Variants in TXNRD1 observed in about 807,000 individuals in gnomAD.
The protein encoded by TXNRD1 is thioredoxin reductase 1, cytoplasmic.
TXNRD1 carries 57 observed loss-of-function variants against 80.3 expected under a neutral mutation model. That is an observed-to-expected ratio of 0.71 (90% CI 0.57 to 0.89). The LOEUF (loss-of-function observed/expected upper bound fraction) is 0.89, where lower values mean the gene tolerates loss of function less well. Among genes scored for constraint, TXNRD1 ranks in the 40% least tolerant of loss-of-function variants. The probability of loss-of-function intolerance (pLI) is 0.00; values close to 1 mark genes in which losing one functional copy is unlikely to be tolerated. For missense variants in TXNRD1, 730 were observed against 803.0 expected (o/e 0.91, Z 1.10); for synonymous variants, 291 against 285.2 (o/e 1.02, Z -0.20).
intron 3 of TXNRD1, among the ~76,000 whole-genome samples, chr12:104,260,141 C>T (rs1017350246): frequency 5.9e-5 from 9 of 152,020 alleles, no homozygotes; most frequent in Non-Finnish European, 8.8e-5. Context: ...CAAGACCAGC[C>T]TGACCAGTAT....
chr12:104,239,282 C>T (rs538940247), intron 1 of TXNRD1, among the ~76,000 whole-genome samples: 2 of 151,722 alleles, frequency 1.3e-5, no homozygotes, highest in East Asian at 3.9e-4. Context: ...CAACCTCTGC[C>T]TCCTGGGTTC....
chr12:104,334,126 A>C, intron 14 of TXNRD1, 111 bp from the exon 15 acceptor site: 1 of 442,138 alleles, frequency 2.3e-6, no homozygotes, highest in Non-Finnish European at 3.9e-6. Flanking sequence ...GAATTTTATT[A>C]TTTAATGAAA....
intron 3 of TXNRD1, chr12:104,276,498 C>T (rs1440609149): frequency 6.6e-6 from 1 of 152,148 alleles, no homozygotes; most frequent in African/African-American, 2.4e-5. Flanking sequence ...GTATTCAACT[C>T]CAGAAATTAG....
intron 3 of TXNRD1, among the ~76,000 whole-genome samples, chr12:104,278,764 G>A (rs568573343): frequency 4.1e-4 from 62 of 152,318 alleles, no homozygotes; most frequent in Admixed American, 7.8e-4. Context: ...GCCTCCCAAA[G>A]TGTTGGGATT....
intron 1 of TXNRD1, among the ~76,000 whole-genome samples, chr12:104,220,019 G>A (rs2032314034): frequency 6.6e-6 from 1 of 152,186 alleles, no homozygotes. Context: ...GGTGTCTCAA[G>A]TGATTCTATT....
chr12:104,315,808 C>T lies in TXNRD1; in HGVS notation c.642C>T (p.Cys214=). The change falls in exon 7 of 17, where the codon TGC becomes TGT. Residue 214 remains cysteine (C), a synonymous_variant. Transcript: ENST00000525566. ...GAGGAACATGTGTGAATGTGGGTTG[C>T]ATACCTAAAAAACTGATGCATCAAG... The part of the protein sequence containing the change: ...GLGGTCVNVG[C]IPKKLMHQAA... 1 of 1,611,866 alleles carries T rather than the reference C, an allele frequency of 6.2e-7. No homozygotes were observed.
At chr12:104,336,480 T>C (rs1253995144) in intron 15 of TXNRD1, among the ~76,000 whole-genome samples, 1 of 152,246 alleles carries the variant, frequency 6.6e-6, no homozygotes, top group East Asian at 1.9e-4. Context: ...AATCAGTCAC[T>C]TGACTTCAGT....
At chr12:104,294,401 G>A (rs1034758325) in intron 4 of TXNRD1, among the ~76,000 whole-genome samples, 1 of 152,032 alleles carries the variant, frequency 6.6e-6, no homozygotes, top group Admixed American at 6.6e-5. Context: ...GGGCATAACA[G>A]AAGGCTCGCA....
intron 3 of TXNRD1, among the ~76,000 whole-genome samples, chr12:104,270,239 C>A (rs1386044888): frequency 6.6e-6 from 1 of 152,198 alleles, no homozygotes; most frequent in Admixed American, 6.5e-5. Flanking sequence ...TTGCCCAGAT[C>A]TGTCAGAGGA....
At chr12:104,338,493 G>A (rs369832808) in intron 15 of TXNRD1, among the ~76,000 whole-genome samples, 1 of 151,478 alleles carries the variant, frequency 6.6e-6, no homozygotes, top group Non-Finnish European at 1.5e-5. Flanking sequence ...TCAGGCATTC[G>A]AGACCAGCCT....
chr12:104,272,395 G>T (rs929527119), intron 3 of TXNRD1, among the ~76,000 whole-genome samples: 2 of 152,178 alleles, frequency 1.3e-5, no homozygotes, highest in African/African-American at 2.4e-5. Flanking sequence ...GAGTCAGGGT[G>T]GGGTAGGTAA....
At chr12:104,246,537 T>C (rs1180401122) in intron 1 of TXNRD1, among the ~76,000 whole-genome samples, 1 of 151,270 alleles carries the variant, frequency 6.6e-6, no homozygotes, top group Non-Finnish European at 1.5e-5. Flanking sequence ...TTTTTTTTTT[T>C]TTTTGAGATG....
At chr12:104,297,401 C>T (rs371534513) in intron 4 of TXNRD1, among the ~76,000 whole-genome samples, 2 of 151,308 alleles carry the variant, frequency 1.3e-5, no homozygotes, top group African/African-American at 2.4e-5. Flanking sequence ...GAGTCTTGCT[C>T]TGTTGCCCAG....
chr12:104,290,074 A>T (rs374992167), intron 4 of TXNRD1, among the ~76,000 whole-genome samples: 14 of 152,248 alleles, frequency 9.2e-5, no homozygotes, highest in African/African-American at 3.4e-4. Flanking sequence ...GTCCTTATCC[A>T]TTTATATCTC....
intron 4 of TXNRD1, among the ~76,000 whole-genome samples, chr12:104,298,857 A>G (rs2034519678): frequency 6.6e-6 from 1 of 151,664 alleles, no homozygotes; most frequent in Non-Finnish European, 1.5e-5. Flanking sequence ...TTTATTAAGT[A>G]CCTACTCAGT....
chr12:104,251,421 C>A, intron 1 of TXNRD1, 106 bp from the exon 2 acceptor site: 1 of 1,179,778 alleles, frequency 8.5e-7, no homozygotes, highest in Non-Finnish European at 1.2e-6. Context: ...TTATTTTGGC[C>A]TGTGGGACTT....
chr12:104,338,452 T>G (rs572933952), intron 15 of TXNRD1, among the ~76,000 whole-genome samples: 1 of 151,342 alleles, frequency 6.6e-6, no homozygotes, highest in Non-Finnish European at 1.5e-5. Flanking sequence ...CCCAGCACTT[T>G]GGGAGGCCGA....
At chr12:104,267,354 T>C (rs1393866267) in intron 3 of TXNRD1, among the ~76,000 whole-genome samples, 1 of 150,302 alleles carries the variant, frequency 6.7e-6, no homozygotes, top group African/African-American at 2.5e-5. Flanking sequence ...CTTGGCTCAC[T>C]GCAGCCTTGA....
intron 10 of TXNRD1, among the ~76,000 whole-genome samples, 157 bp from the exon 11 acceptor site, chr12:104,325,180 T>A (rs1343427902): frequency 6.6e-6 from 1 of 152,232 alleles, no homozygotes; most frequent in South Asian, 2.1e-4. Flanking sequence ...TAATCATTTA[T>A]CATCCTAATA....
Sources: gnomAD v4.1 joint callset for allele counts (sites outside exome capture counted in the v4.1 genomes callset) on GRCh38, gnomAD v4.1.1 for gene constraint, MANE v1.5 for transcripts, NCBI Gene and HGNC (gene_info 2026-07-23, HGNC 2026-07-21) for gene names.